PTPRZ1: variants seen among roughly 807,000 people sequenced by gnomAD.
PTPRZ1 encodes the protein protein tyrosine phosphatase receptor type Z1.
In PTPRZ1, 82 loss-of-function variants were observed where a neutral mutation model predicts 214.1. The ratio of observed to expected loss-of-function variants is 0.38; its 90% confidence interval spans 0.32 to 0.46. PTPRZ1 has a LOEUF of 0.46. PTPRZ1 is among the 20% of genes least tolerant of loss of function. The probability of loss-of-function intolerance (pLI) is 1.00; values close to 1 mark genes in which losing one functional copy is unlikely to be tolerated. For missense variants in PTPRZ1, 2,603 were observed against 2,748.7 expected (o/e 0.95, Z 1.19); for synonymous variants, 945 against 987.9 (o/e 0.96, Z 0.81).
intron 14 of PTPRZ1, among the ~76,000 whole-genome samples, chr7:122,030,821 GC>G (rs1279985629): frequency 2.0e-5 from 3 of 151,704 alleles, no homozygotes; most frequent in African/African-American, 7.3e-5. Context: ...AAATAATTTG[GC>G]CCCTTCACAA....
chr7:122,018,131 T>C (rs1222378437), intron 12 of PTPRZ1, among the ~76,000 whole-genome samples: 1 of 152,166 alleles, frequency 6.6e-6, no homozygotes, highest in Non-Finnish European at 1.5e-5. Flanking sequence ...GAAACTCAAA[T>C]GTGGTTCTTT....
At chr7:121,944,609 C>G (rs1199862217) in intron 2 of PTPRZ1, among the ~76,000 whole-genome samples, 9 of 151,730 alleles carry the variant, frequency 5.9e-5, no homozygotes, top group Admixed American at 5.3e-4. Context: ...GTAAACCCCA[C>G]AGGACAAATT....
intron 1 of PTPRZ1, among the ~76,000 whole-genome samples, chr7:121,899,640 AG>A (rs1055200868): frequency 6.6e-6 from 1 of 152,166 alleles, no homozygotes; most frequent in African/African-American, 2.4e-5. Context: ...AACTTGGGAC[AG>A]GTGAATACCC....
chr7:122,015,433 T>C (rs921388215), intron 12 of PTPRZ1, among the ~76,000 whole-genome samples: 1 of 152,166 alleles, frequency 6.6e-6, no homozygotes, highest in African/African-American at 2.4e-5. Flanking sequence ...TACATTTTGA[T>C]AGAAAACTTT....
At position 121,996,675 on chromosome 7, in the gene PTPRZ1, A is replaced by C. The variant is rs1441866514; in HGVS notation, c.1113+109A>C. ...TTTTCCTCCATTACTTTTAGACTTT[A>C]TGTGAAGGTGGGGTAGGCTGAGTAT... On this transcript the variant is annotated intron_variant, in intron 9 of 29. Coordinates refer to ENST00000393386, the MANE Select transcript of PTPRZ1 (RefSeq NM_002851.3). 3.5e-6 allele frequency: 3 copies of C among 869,010 alleles called. No individual in the cohort carries two copies. In the Admixed American group the frequency reaches 8.8e-5, roughly 26 times the overall value. 53.8% of individuals were successfully genotyped at this position (869,010 alleles called of 1,614,324 possible). A position where few individuals can be genotyped will look rare whatever the true frequency, so the allele number is the denominator to read the frequency against.
chr7:121,998,683 T>C (rs1246841697), intron 10 of PTPRZ1, among the ~76,000 whole-genome samples: 1 of 152,150 alleles, frequency 6.6e-6, no homozygotes, highest in African/African-American at 2.4e-5. Context: ...AATTTACAAG[T>C]TTACATAATT....
intron 9 of PTPRZ1, among the ~76,000 whole-genome samples, chr7:121,997,034 G>C (rs905387465): frequency 5.3e-5 from 8 of 152,108 alleles, no homozygotes; most frequent in Non-Finnish European, 8.8e-5. Context: ...CAGAACTTTG[G>C]GGATGTAAGA....
rs1797259110 is a variant in PTPRZ1 at position 121,971,793 on chromosome 7, G to A, written c.305-748G>A. Reference sequence around the variant, plus strand: ...CTGGCTGGCCAATATGTTGTATTCAGTCCCTGATGCCAAAGTGATTTATCC... The same window carrying A: ...CTGGCTGGCCAATATGTTGTATTCAATCCCTGATGCCAAAGTGATTTATCC... On this transcript the variant is annotated intron_variant, in intron 3 of 29. Transcript: ENST00000393386. Among the ~76,000 whole-genome samples, 2 of 152,272 alleles carry A rather than the reference G, an allele frequency of 1.3e-5. 1 individual carries two copies. Among genetic ancestry groups the A allele is most frequent in the Middle Eastern group, 6.8e-3 (2 of 294 alleles).
rs145879375 is a variant in PTPRZ1 at position 121,873,401 on chromosome 7, A to AAAAC, written c.-87_-84dup. 2.4e-6 allele frequency: 3 copies of AAAAC among 1,248,486 alleles called. No individual in the cohort carries two copies. Among genetic ancestry groups the AAAAC allele is most frequent in the Admixed American group, 4.0e-5 (2 of 49,936 alleles). The allele number at this position is 1,248,486 out of a possible 1,614,324, so 77.3% of individuals were successfully genotyped here. A position where few individuals can be genotyped will look rare whatever the true frequency, so the allele number is the denominator to read the frequency against. The stretch of plus-strand genomic sequence containing the variant: ...ACTTCGATCTATACACTGGAGGATT[A>AAAAC]AAACAAACAAACAAAAAAAACATTT... On this transcript the variant is annotated 5_prime_UTR_variant, in exon 1 of 30. Coordinates refer to ENST00000393386, the MANE Select transcript of PTPRZ1 (RefSeq NM_002851.3).
chr7:121,993,870 T>C (rs1798048413), intron 8 of PTPRZ1, among the ~76,000 whole-genome samples: 1 of 152,160 alleles, frequency 6.6e-6, no homozygotes, highest in African/African-American at 2.4e-5. Flanking sequence ...CATAAGAGCC[T>C]GTGTCTCCAC....
At chr7:121,904,587 G>A (rs1277242638) in intron 1 of PTPRZ1, among the ~76,000 whole-genome samples, 2 of 151,776 alleles carry the variant, frequency 1.3e-5, no homozygotes, top group Admixed American at 1.3e-4. Context: ...AACATTTTTT[G>A]CCATATTCAT....
chr7:121,929,516 A>C (rs934170279), intron 2 of PTPRZ1, among the ~76,000 whole-genome samples: 18 of 151,942 alleles, frequency 1.2e-4, no homozygotes, highest in Middle Eastern at 6.8e-3. Flanking sequence ...AAAAAAAAAA[A>C]AAACTTTCAA....
At chr7:121,913,360 T>TA (rs1341976508) in intron 1 of PTPRZ1, among the ~76,000 whole-genome samples, 1 of 152,208 alleles carries the variant, frequency 6.6e-6, no homozygotes, top group African/African-American at 2.4e-5. Flanking sequence ...GCTCAGCTCT[T>TA]ATGTGTTATT....
intron 10 of PTPRZ1, among the ~76,000 whole-genome samples, chr7:122,003,143 A>G (rs1199384432): frequency 6.6e-6 from 1 of 152,202 alleles, no homozygotes. Context: ...TAAAGAATAA[A>G]GAGCATGAAG....
chr7:122,042,764 A>AATAAAATCATC, intron 22 of PTPRZ1, 21 bp downstream of exon 22: 1 of 1,597,464 alleles, frequency 6.3e-7, no homozygotes, highest in Non-Finnish European at 8.6e-7. Context: ...TAAAAAGATG[A>AATAAAATCATC]TTTTATTCAT....
chr7:121,924,419 G>A (rs891980115), intron 1 of PTPRZ1, among the ~76,000 whole-genome samples: 3 of 151,996 alleles, frequency 2.0e-5, no homozygotes, highest in Admixed American at 6.6e-5. Flanking sequence ...ACTCTCTCAC[G>A]CCCAAGCACT....
intron 1 of PTPRZ1, among the ~76,000 whole-genome samples, chr7:121,887,287 T>A (rs980562763): frequency 2.0e-5 from 3 of 152,110 alleles, no homozygotes; most frequent in Non-Finnish European, 2.9e-5. Context: ...TCAAAAGTGA[T>A]CACTTGAAAA....
chr7:122,022,575 C>T (rs911851929), intron 13 of PTPRZ1, among the ~76,000 whole-genome samples: 1 of 152,216 alleles, frequency 6.6e-6, no homozygotes, highest in Admixed American at 6.6e-5. Flanking sequence ...TATCAGATAT[C>T]TGATTTGCAA....
intron 1 of PTPRZ1, among the ~76,000 whole-genome samples, chr7:121,878,958 AT>A (rs1447829150): frequency 6.6e-6 from 1 of 152,078 alleles, no homozygotes; most frequent in East Asian, 1.9e-4. Context: ...TTTGATTATG[AT>A]CTCAGTCCGG....
Sources: allele counts gnomAD v4.1 joint callset (sites outside exome capture counted in the v4.1 genomes callset), GRCh38; gene constraint gnomAD v4.1.1; transcripts MANE v1.5; gene names NCBI Gene and HGNC (gene_info 2026-07-23, HGNC 2026-07-21).